Variants in DRGX observed in about 807,000 individuals in gnomAD.
DRGX encodes the protein dorsal root ganglia homeobox.
In DRGX, 21 loss-of-function variants were observed where a neutral mutation model predicts 28.6. That is an observed-to-expected ratio of 0.73 (90% confidence interval 0.52 to 1.06). The LOEUF (loss-of-function observed/expected upper bound fraction) is 1.06. Among genes scored for constraint, DRGX ranks in the 50% least tolerant of loss-of-function variants. The pLI is 0.00. For synonymous variants in DRGX, 136 were observed against 139.1 expected, an observed-to-expected ratio of 0.98 and a Z score of 0.16; for missense variants, 354 against 343.9, an observed-to-expected ratio of 1.03 and a Z score of -0.23.
At chr10:49,376,960 C>A (rs1027451966) in intron 6 of DRGX, among the ~76,000 whole-genome samples, 1 of 152,176 alleles carries the variant, frequency 6.6e-6, no homozygotes, top group East Asian at 1.9e-4. Flanking sequence ...CCAAGCCCAC[C>A]CCCTAGCCCT....
intron 6 of DRGX, among the ~76,000 whole-genome samples, chr10:49,369,189 C>T (rs1422054504): frequency 6.6e-6 from 1 of 152,140 alleles, no homozygotes; most frequent in African/African-American, 2.4e-5. Flanking sequence ...AGAAAGCTAC[C>T]CATAACTATA....
In DRGX at chr10:49,366,378, C is replaced by T. The variant is rs545740512; in HGVS notation, c.530G>A (p.Gly177Asp). The change falls in exon 7 of 7, where the codon GGC becomes GAC. Residue 177 changes from glycine (G) to aspartate (D), a missense_variant. Physicochemically the swap from Gly to Asp is moderately conservative, Grantham distance 94 (BLOSUM62 -1). Coordinates refer to ENST00000374139, the MANE Select transcript of DRGX (RefSeq NM_001276451.2). ...ALSHVASLKG[G>D]PLCSCCVPDP... ...TGGGACGCAGCAAGAGCACAGTGGG[C>T]CCCCTGGAAAAGGAAAAACAACAGG... is the stretch of plus-strand genomic sequence containing the variant. 4.4e-6 allele frequency: 7 copies of T among 1,596,592 alleles called. No homozygotes were observed. The highest frequency in any genetic ancestry group is 5.1e-6 in the Non-Finnish European group (6 of 1,167,884).
chr10:49,390,072 G>GT lies in DRGX; in HGVS notation c.234+60dup, dbSNP rs1434848872. ...CAAATGTGCACTCTGCAGTCATGAT[G>GT]TCAAAAAAAAGTTTGCCAGTTTTAA... On this transcript the variant is annotated intron_variant, in intron 4 of 6. Transcript: ENST00000374139. The GT allele has an allele frequency of 4.0e-6, 6 of 1,505,438 alleles. No individual in the cohort carries two copies. The East Asian group carries it at 1.5e-4, about 37-fold the overall frequency. The allele number at this position is 1,505,438 out of a possible 1,614,324, so 93.3% of individuals were successfully genotyped here. A position where few individuals can be genotyped will look rare whatever the true frequency, so the allele number is the denominator to read the frequency against.
chr10:49,370,958 C>T (rs1849652842), intron 6 of DRGX, among the ~76,000 whole-genome samples: 1 of 152,172 alleles, frequency 6.6e-6, no homozygotes, highest in South Asian at 2.1e-4. Context: ...GTGTGATGGT[C>T]ACACCCTGCC....
chr10:49,389,509 G>A (rs1017374805), intron 4 of DRGX, among the ~76,000 whole-genome samples: 5 of 152,176 alleles, frequency 3.3e-5, no homozygotes, highest in Admixed American at 2.6e-4. Context: ...TGCTGGGTTC[G>A]GCGGGCAGGT....
In DRGX at chr10:49,366,272, C is replaced by T; in HGVS notation, c.636G>A (p.Lys212=). The part of the protein sequence containing the change: ...RTASVATLRM[K]AREHSEAVLQ... ...GGACAGCTTCTGAGTGCTCGCGGGCCTTCATGCGCAGGGTGGCCACGCTGG... is the reference window on the plus strand; with the variant it reads ...GGACAGCTTCTGAGTGCTCGCGGGCTTTCATGCGCAGGGTGGCCACGCTGG... Residue 212 remains lysine (K), a synonymous_variant, in exon 7 of 7, where the codon AAG becomes AAA. Coordinates refer to ENST00000374139, the MANE Select transcript of DRGX (RefSeq NM_001276451.2). The T allele has an allele frequency of 6.2e-7, 1 of 1,613,934 alleles. No homozygotes were observed. The highest frequency in any genetic ancestry group is 2.2e-5 in the East Asian group (1 of 44,882).
intron 6 of DRGX, among the ~76,000 whole-genome samples, chr10:49,382,408 C>T (rs1165213085): frequency 6.6e-6 from 1 of 152,166 alleles, no homozygotes; most frequent in East Asian, 1.9e-4. Context: ...CCCTAGGAAG[C>T]AGGGTTCAGG....
At chr10:49,370,616 G>T (rs1261499419) in intron 6 of DRGX, among the ~76,000 whole-genome samples, 1 of 152,250 alleles carries the variant, frequency 6.6e-6, no homozygotes, top group African/African-American at 2.4e-5. Flanking sequence ...CTGCCAAAGG[G>T]GCTTCCCCTG....
chr10:49,366,486 C>T (rs1849602960), intron 6 of DRGX, 105 bp from the exon 7 acceptor site: 1 of 1,457,132 alleles, frequency 6.9e-7, no homozygotes, highest in Admixed American at 2.4e-5. Flanking sequence ...AGATTGATTC[C>T]CTCTGGTGCC....
Position 49,366,056 on chromosome 10 carries a change from G to A in DRGX, c.*60C>T. On this transcript the variant is annotated 3_prime_UTR_variant, in exon 7 of 7. Coordinates refer to ENST00000374139, the MANE Select transcript of DRGX (RefSeq NM_001276451.2). ...TGCTATTTGGAGAGTTTTCTGTAGGGGCTGAGGCTGGGAGAAGGAGGGGCG... is the reference window on the plus strand; with the variant it reads ...TGCTATTTGGAGAGTTTTCTGTAGGAGCTGAGGCTGGGAGAAGGAGGGGCG... 1 of 1,496,994 alleles carries A rather than the reference G, an allele frequency of 6.7e-7. No individual in the cohort carries two copies. Among genetic ancestry groups the A allele is most frequent in the Non-Finnish European group, 8.9e-7 (1 of 1,125,304 alleles). The allele number at this position is 1,496,994 out of a possible 1,614,324, so 92.7% of individuals were successfully genotyped here. A position where few individuals can be genotyped will look rare whatever the true frequency, so the allele number is the denominator to read the frequency against.
chr10:49,383,081 G>C (rs1317593764), intron 6 of DRGX, among the ~76,000 whole-genome samples: 3 of 152,240 alleles, frequency 2.0e-5, no homozygotes, highest in East Asian at 3.9e-4. Context: ...GCAGCCCCAG[G>C]GACTGGCAGC....
chr10:49,389,558 A>G (rs1849878056), intron 4 of DRGX, among the ~76,000 whole-genome samples: 1 of 152,208 alleles, frequency 6.6e-6, no homozygotes, highest in Non-Finnish European at 1.5e-5. Context: ...GCTTCTAAAC[A>G]GAAATCCTGT....
intron 6 of DRGX, among the ~76,000 whole-genome samples, chr10:49,373,134 T>A (rs993106095): frequency 2.6e-5 from 4 of 152,054 alleles, no homozygotes; most frequent in Non-Finnish European, 4.4e-5. Flanking sequence ...GGGCTAAAAA[T>A]TAAATTAGCT....
chr10:49,366,757 A>G (rs1849606157), intron 6 of DRGX, among the ~76,000 whole-genome samples: 2 of 152,204 alleles, frequency 1.3e-5, no homozygotes, highest in Non-Finnish European at 2.9e-5. Flanking sequence ...AAACTGTGTC[A>G]AGGCACCCCT....
At chr10:49,376,177 G>A (rs947222385) in intron 6 of DRGX, among the ~76,000 whole-genome samples, 1 of 152,108 alleles carries the variant, frequency 6.6e-6, no homozygotes, top group Non-Finnish European at 1.5e-5. Context: ...CAGGCCTCAG[G>A]TTCCCCCACT....
rs1590358483 is a variant in DRGX at position 49,365,541 on chromosome 10, G to C, written c.*575C>G. 1 of 152,228 alleles carries C rather than the reference G, an allele frequency of 6.6e-6. No individual in the cohort carries two copies. The highest frequency in any genetic ancestry group is 6.5e-5 in the Admixed American group (1 of 15,282). 9.4% of individuals were successfully genotyped at this position (152,228 alleles called of 1,614,324 possible). ...CTCTGGGACAGGCTGTGTCCTGTTG[G>C]CCCCTCCCTACCCTGCATCTTCTCA... On this transcript the variant is annotated 3_prime_UTR_variant, in exon 7 of 7. Coordinates refer to ENST00000374139, the MANE Select transcript of DRGX (RefSeq NM_001276451.2).
chr10:49,375,410 G>T (rs1394136622), intron 6 of DRGX, among the ~76,000 whole-genome samples: 2 of 152,182 alleles, frequency 1.3e-5, no homozygotes, highest in Non-Finnish European at 2.9e-5. Flanking sequence ...GCACATTTTA[G>T]TTCTTCAAAG....
At chr10:49,390,926 C>A (rs1440587974) in intron 3 of DRGX, among the ~76,000 whole-genome samples, 1 of 152,210 alleles carries the variant, frequency 6.6e-6, no homozygotes, top group Non-Finnish European at 1.5e-5. Context: ...AACTATCCAC[C>A]TAAGGCAAGT....
At chr10:49,372,750 A>AT (rs1849673567) in intron 6 of DRGX, among the ~76,000 whole-genome samples, 1 of 152,230 alleles carries the variant, frequency 6.6e-6, no homozygotes, top group Non-Finnish European at 1.5e-5. Context: ...ACATGCAGTG[A>AT]CTGCTCTCAC....
Sources: allele counts gnomAD v4.1 joint callset (sites outside exome capture counted in the v4.1 genomes callset), GRCh38; gene constraint gnomAD v4.1.1; transcripts MANE v1.5; gene names NCBI Gene and HGNC (gene_info 2026-07-23, HGNC 2026-07-21).